The following GPATCH1 variants were observed in gnomAD, a reference collection of about 807,000 sequenced individuals.
GPATCH1 encodes the protein G patch domain-containing protein 1.
In GPATCH1, 73 loss-of-function variants were observed where a neutral mutation model predicts 114.9. The observed-to-expected ratio is 0.64, with a 90% CI of 0.53 to 0.77. The LOEUF (loss-of-function observed/expected upper bound fraction) is 0.77. Ranked by LOEUF, GPATCH1 falls within the 30% of genes least tolerant of loss-of-function variation. GPATCH1 has a pLI of 0.00. For synonymous variants in GPATCH1, 391 were observed against 428.4 expected (o/e 0.91, Z 1.08); for missense variants, 1,058 against 1,144.3 (o/e 0.92, Z 1.09).
intron 5 of GPATCH1, among the ~76,000 whole-genome samples, chr19:33,095,410 C>T (rs1240149936): frequency 4.6e-5 from 7 of 151,880 alleles, no homozygotes; most frequent in East Asian, 3.9e-4. Flanking sequence ...TACAGGCTTG[C>T]GCCACCATGC....
At chr19:33,095,536 T>A (rs1972647001) in intron 5 of GPATCH1, among the ~76,000 whole-genome samples, 1 of 151,992 alleles carries the variant, frequency 6.6e-6, no homozygotes, top group Non-Finnish European at 1.5e-5. Flanking sequence ...GTACTGGGAT[T>A]ACAGGCATGA....
chr19:33,117,213 A>G (rs1972925923), intron 15 of GPATCH1, among the ~76,000 whole-genome samples: 1 of 152,098 alleles, frequency 6.6e-6, no homozygotes, highest in South Asian at 2.1e-4. Context: ...CCCAAAACAA[A>G]TTATTATTCC....
chr19:33,118,086 G>T, intron 16 of GPATCH1, 45 bp downstream of exon 16: 1 of 1,260,738 alleles, frequency 7.9e-7, no homozygotes, highest in South Asian at 1.2e-5. Context: ...AGAAGACAAT[G>T]ACTCTAGGAC....
chr19:33,121,566 G>C (rs1049889138), intron 17 of GPATCH1, among the ~76,000 whole-genome samples: 1 of 152,088 alleles, frequency 6.6e-6, no homozygotes, highest in South Asian at 2.1e-4. Flanking sequence ...TGATCTGCCC[G>C]CCTCAGCCTC....
chr19:33,122,703 C>T (rs945000835), intron 17 of GPATCH1, among the ~76,000 whole-genome samples: 37 of 151,888 alleles, frequency 2.4e-4, no homozygotes, highest in Admixed American at 8.6e-4. Flanking sequence ...TTGATACCCT[C>T]GTAATAGTGA....
At chr19:33,110,071 A>G (rs1280122363) in intron 11 of GPATCH1, 55 bp downstream of exon 11, 1 of 1,426,422 alleles carries the variant, frequency 7.0e-7, no homozygotes. Flanking sequence ...TCATATTCTC[A>G]CTGTTCTCAT....
At chr19:33,082,263 C>T (rs952342529) in intron 1 of GPATCH1, among the ~76,000 whole-genome samples, 2 of 152,026 alleles carry the variant, frequency 1.3e-5, no homozygotes, top group Non-Finnish European at 2.9e-5. Flanking sequence ...TTCCACTTAA[C>T]GACTTGACTT....
At chr19:33,115,435 G>A (rs184483590) in intron 15 of GPATCH1, among the ~76,000 whole-genome samples, 6 of 150,400 alleles carry the variant, frequency 4.0e-5, no homozygotes, top group East Asian at 3.9e-4. Flanking sequence ...TAGTGTTTGC[G>A]TAGTATATAT....
At chr19:33,118,474 G>A (rs1035670679) in intron 16 of GPATCH1, among the ~76,000 whole-genome samples, 8 of 151,838 alleles carry the variant, frequency 5.3e-5, no homozygotes, top group African/African-American at 9.7e-5. Flanking sequence ...CCCAGTGCCC[G>A]GCTAGTTTTC....
At chr19:33,129,202 G>A (rs11084708) in intron 19 of GPATCH1, among the ~76,000 whole-genome samples, 22,541 of 151,222 alleles carry the variant, frequency 0.15, 1,964 homozygotes, top group East Asian at 0.38. Context: ...AACCGAGATC[G>A]CGCCACTGTA....
intron 9 of GPATCH1, 83 bp downstream of exon 9, chr19:33,101,657 A>G (rs1166077333): frequency 2.9e-6 from 2 of 696,304 alleles, no homozygotes; most frequent in African/African-American, 3.6e-5. Flanking sequence ...TTCTATTAAC[A>G]ACAGGAAAGA....
Position 33,130,242 on chromosome 19 carries a change from A to C in GPATCH1, c.*82A>C, listed in dbSNP as rs959151588. On this transcript the variant is annotated 3_prime_UTR_variant, in exon 20 of 20. Transcript: ENST00000170564. ...TGATTGTTCAGTTAACGCATTGTAC[A>C]GAGTGTATTTATATGTAAATTCCTG... is the stretch of plus-strand genomic sequence containing the variant. 30 of 925,304 alleles carry C rather than the reference A, an allele frequency of 3.2e-5. No homozygotes were observed. Among genetic ancestry groups the C allele is most frequent in the Non-Finnish European group, 4.7e-5 (27 of 576,914 alleles). The allele number at this position is 925,304 out of a possible 1,614,324, so 57.3% of individuals were successfully genotyped here. A position where few individuals can be genotyped will look rare whatever the true frequency, so the allele number is the denominator to read the frequency against.
At chr19:33,106,622 A>G in intron 9 of GPATCH1, 73 bp from the exon 10 acceptor site, 1 of 1,250,872 alleles carries the variant, frequency 8.0e-7, no homozygotes, top group Non-Finnish European at 1.2e-6. Flanking sequence ...GCTCAGAGGT[A>G]ACAGGTTTTC....
intron 9 of GPATCH1, among the ~76,000 whole-genome samples, chr19:33,105,047 T>C (rs1300805240): frequency 6.6e-6 from 1 of 152,172 alleles, no homozygotes; most frequent in East Asian, 1.9e-4. Context: ...AACTTTTAAA[T>C]TAAAGTTTTT....
chr19:33,100,525 T>A (rs996241751), intron 8 of GPATCH1, among the ~76,000 whole-genome samples: 1 of 144,146 alleles, frequency 6.9e-6, no homozygotes, highest in Non-Finnish European at 1.5e-5. Flanking sequence ...GAGGCAGAGG[T>A]TGCAGTGAGC....
At chr19:33,099,604 A>AT (rs796786433) in intron 8 of GPATCH1, among the ~76,000 whole-genome samples, 90 of 144,830 alleles carry the variant, frequency 6.2e-4, no homozygotes, top group Non-Finnish European at 9.4e-4. Flanking sequence ...ACATTTTTAA[A>AT]TTTTTTTTTT....
intron 13 of GPATCH1, chr19:33,113,213 G>A (rs1972876934): frequency 6.4e-6 from 1 of 155,462 alleles, no homozygotes; most frequent in Non-Finnish European, 1.4e-5. Context: ...GACTGAGGCA[G>A]GCAGATCACT....
chr19:33,117,929 A>G lies in GPATCH1; in HGVS notation c.2301A>G (p.Ser767=). 4.3e-6 allele frequency: 7 copies of G among 1,613,830 alleles called. No homozygotes were observed. Among genetic ancestry groups the G allele is most frequent in the Non-Finnish European group, 5.9e-6 (7 of 1,179,828 alleles). ...CCAGTTCCTCAGATGAAAAGTCCTCATCCTCCGAGGATGAGCAAGGTGACA... is the reference window on the plus strand; with the variant it reads ...CCAGTTCCTCAGATGAAAAGTCCTCGTCCTCCGAGGATGAGCAAGGTGACA... The part of the protein sequence containing the change: ...IFASSSDEKS[S]SSEDEQGDSE... The change falls in exon 16 of 20, where the codon TCA becomes TCG. Residue 767 remains serine, a synonymous_variant. Transcript: ENST00000170564.
intron 8 of GPATCH1, among the ~76,000 whole-genome samples, chr19:33,101,021 A>G (rs1972720187): frequency 6.6e-6 from 1 of 152,114 alleles, no homozygotes; most frequent in Non-Finnish European, 1.5e-5. Context: ...ACCTGGTGGC[A>G]TTGCCTTTCA....
Sources: gnomAD v4.1 joint callset for allele counts (sites outside exome capture counted in the v4.1 genomes callset) on GRCh38, gnomAD v4.1.1 for gene constraint, MANE v1.5 for transcripts, NCBI Gene and HGNC (gene_info 2026-07-23, HGNC 2026-07-21) for gene names.